The following CUX2 variants were observed in gnomAD, a reference collection of about 807,000 sequenced individuals.
CUX2 encodes homeobox protein cut-like 2.
In CUX2, 40 loss-of-function variants were observed where a neutral mutation model predicts 144.8. The observed-to-expected ratio is 0.28, with a 90% confidence interval of 0.21 to 0.36. The LOEUF (loss-of-function observed/expected upper bound fraction) is 0.36, where lower values mean the gene tolerates loss of function less well. Among genes scored for constraint, CUX2 ranks in the 10% least tolerant of loss-of-function variants. The pLI, the probability that CUX2 is intolerant of heterozygous loss-of-function variation, is 1.00. For synonymous variants in CUX2, 827 were observed against 875.6 expected (o/e 0.94, Z 0.98); for missense variants, 1,615 against 1,994.0 (o/e 0.81, Z 3.62).
At position 111,348,058 on chromosome 12, in the gene CUX2, C is replaced by T. The variant is rs775451963; in HGVS notation, c.4194C>T (p.Pro1398=). 1.2e-6 allele frequency: 2 copies of T among 1,614,046 alleles called. No homozygotes were observed. The highest frequency in any genetic ancestry group is 2.2e-5 in the East Asian group (1 of 44,878). Residue 1398 remains proline (P), a synonymous_variant, in exon 22 of 22, where the codon CCC becomes CCT. Coordinates refer to ENST00000261726, the MANE Select transcript of CUX2 (RefSeq NM_015267.4). The part of the protein sequence containing the change: ...RCSLEVSLNS[P]SAASSPGLMM... ...GCCTGGAGGTGTCACTGAACTCGCC[C>T]TCGGCCGCCTCCTCACCAGGCCTCA...
At chr12:111,336,992 C>T (rs1319182853) in intron 19 of CUX2, among the ~76,000 whole-genome samples, 2 of 151,364 alleles carry the variant, frequency 1.3e-5, no homozygotes, top group African/African-American at 4.9e-5. Flanking sequence ...CTGGGCAACA[C>T]GGCGAAACCC....
intron 4 of CUX2, among the ~76,000 whole-genome samples, chr12:111,276,808 C>T (rs7301370): frequency 0.088 from 13,336 of 152,056 alleles, 767 homozygotes; most frequent in East Asian, 0.27. Context: ...CCACCATGCC[C>T]GGCTAATTTT....
rs1202013445 is a variant in CUX2 at position 111,077,904 on chromosome 12, C to T, written c.63+43664C>T. Among the ~76,000 whole-genome samples, 1 of 152,138 alleles carries T rather than the reference C, an allele frequency of 6.6e-6. No individual in the cohort carries two copies. Among genetic ancestry groups the T allele is most frequent in the Non-Finnish European group, 1.5e-5 (1 of 68,012 alleles). On this transcript the variant is annotated intron_variant, in intron 1 of 21. Coordinates refer to ENST00000261726, the MANE Select transcript of CUX2 (RefSeq NM_015267.4). The surrounding 1 kb of genome is among the most constrained non-coding windows in gnomAD (Gnocchi z 4.1). ...CTTCTGTGGTTATTGATGGGAAAAG[C>T]ATTTATTTGTCAATGAAGAAATTTT...
At chr12:111,195,114 G>T (rs915656711) in intron 1 of CUX2, among the ~76,000 whole-genome samples, 10 of 152,162 alleles carry the variant, frequency 6.6e-5, no homozygotes, top group Admixed American at 3.9e-4. Flanking sequence ...TGCAGTCACT[G>T]GTCCACGTTC....
Position 111,312,045 on chromosome 12 carries a change from C to T in CUX2, c.1901-55C>T, listed in dbSNP as rs961496309. On this transcript the variant is annotated intron_variant, in intron 15 of 21. Transcript: ENST00000261726. The surrounding 1 kb of genome is among the most constrained non-coding windows in gnomAD (Gnocchi z 4.3). ...ACAGCCCCCCTACCCCACCAGGCTC[C>T]GGAGACTGAGCCCAACATGCAGATC... 13 of 1,511,520 alleles carry T rather than the reference C, an allele frequency of 8.6e-6. No individual in the cohort carries two copies. The highest frequency in any genetic ancestry group is 4.7e-5 in the South Asian group (4 of 85,494). 93.6% of individuals were successfully genotyped at this position (1,511,520 alleles called of 1,614,324 possible). A position where few individuals can be genotyped will look rare whatever the true frequency, so the allele number is the denominator to read the frequency against.
intron 1 of CUX2, among the ~76,000 whole-genome samples, chr12:111,090,593 G>A (rs1592883819): frequency 6.6e-6 from 1 of 152,036 alleles, no homozygotes; most frequent in Middle Eastern, 3.4e-3. Flanking sequence ...CTATTCTTTG[G>A]TCTCTGTAAA....
chr12:111,350,450 A>G lies in CUX2; in HGVS notation c.*2125A>G, dbSNP rs2136465038. On this transcript the variant is annotated 3_prime_UTR_variant, in exon 22 of 22. Transcript: ENST00000261726. ...TATAACGGTTAAAAAACACACACAC[A>G]CATACACAAACCGTTTCTATGAGAG... 1 of 152,522 alleles carries G rather than the reference A, an allele frequency of 6.6e-6. No individual in the cohort carries two copies. Among genetic ancestry groups the G allele is most frequent in the East Asian group, 1.9e-4 (1 of 5,190 alleles). The allele number at this position is 152,522 out of a possible 1,614,324, so 9.4% of individuals were successfully genotyped here.
intron 1 of CUX2, among the ~76,000 whole-genome samples, chr12:111,165,725 C>T (rs1406099308): frequency 6.6e-6 from 1 of 152,184 alleles, no homozygotes; most frequent in Non-Finnish European, 1.5e-5. Context: ...TAAGCATCGC[C>T]TCCCAGCTCC....
At chr12:111,185,823 G>A (rs1402994951) in intron 1 of CUX2, among the ~76,000 whole-genome samples, 2 of 152,132 alleles carry the variant, frequency 1.3e-5, no homozygotes, top group African/African-American at 4.8e-5. Context: ...GACAGTACCT[G>A]CCTGTGTCAG....
At position 111,077,464 on chromosome 12, in the gene CUX2, C is replaced by T. The variant is rs975831187; in HGVS notation, c.63+43224C>T. Among the ~76,000 whole-genome samples, 4 of 152,192 alleles carry T rather than the reference C, an allele frequency of 2.6e-5. No homozygotes were observed. The highest frequency in any genetic ancestry group is 4.8e-5 in the African/African-American group (2 of 41,446). On this transcript the variant is annotated intron_variant, in intron 1 of 21. Transcript: ENST00000261726. The surrounding 1 kb of genome is among the most constrained non-coding windows in gnomAD (Gnocchi z 4.1). ...CTAAATCCATCAGGCTCACCAGCCC[C>T]GGTCTTGGACCACTGAATAATTTAC...
intron 16 of CUX2, among the ~76,000 whole-genome samples, chr12:111,313,590 C>A (rs933236581): frequency 6.6e-6 from 1 of 151,020 alleles, no homozygotes; most frequent in African/African-American, 2.4e-5. Flanking sequence ...TACAGTGAGC[C>A]GAGATCACAC....
chr12:111,324,147 G>C (rs577510311), intron 18 of CUX2, among the ~76,000 whole-genome samples: 3 of 151,996 alleles, frequency 2.0e-5, no homozygotes, highest in Non-Finnish European at 4.4e-5. Flanking sequence ...TCAGGAGTTC[G>C]AGACCAGTCT....
intron 1 of CUX2, among the ~76,000 whole-genome samples, chr12:111,062,938 G>A (rs1436429285): frequency 2.6e-5 from 4 of 152,182 alleles, no homozygotes; most frequent in African/African-American, 9.7e-5. Context: ...TAGGCAGGAT[G>A]TGTCTGAGAA....
intron 21 of CUX2, among the ~76,000 whole-genome samples, chr12:111,346,365 G>T (rs1888805275): frequency 6.6e-6 from 1 of 150,500 alleles, no homozygotes; most frequent in South Asian, 2.1e-4. Context: ...AATCCCAGTT[G>T]CTCGGGAAGC....
At chr12:111,141,227 AACAC>A (rs111451932) in intron 1 of CUX2, among the ~76,000 whole-genome samples, 74 of 147,396 alleles carry the variant, frequency 5.0e-4, no homozygotes, top group Non-Finnish European at 7.4e-4. Context: ...GGCTTAGGTC[AACAC>A]ACACACACAC....
chr12:111,095,354 G>T (rs748642609), intron 1 of CUX2, among the ~76,000 whole-genome samples: 2 of 152,168 alleles, frequency 1.3e-5, no homozygotes, highest in Non-Finnish European at 2.9e-5. Context: ...AGCTATTCTG[G>T]AGGCTGAGGT....
intron 16 of CUX2, among the ~76,000 whole-genome samples, chr12:111,318,058 G>T (rs938283860): frequency 2.0e-5 from 3 of 151,418 alleles, no homozygotes; most frequent in South Asian, 2.1e-4. Context: ...ACTTGTTTTT[G>T]TTGTTGTTGT....
At chr12:111,137,468 G>A (rs1184385962) in intron 1 of CUX2, among the ~76,000 whole-genome samples, 2 of 151,934 alleles carry the variant, frequency 1.3e-5, no homozygotes, top group African/African-American at 2.4e-5. Flanking sequence ...CATTACTAGA[G>A]GTTATTTCTG....
chr12:111,080,963 G>A (rs1355474312), intron 1 of CUX2, among the ~76,000 whole-genome samples: 4 of 152,198 alleles, frequency 2.6e-5, no homozygotes, highest in Non-Finnish European at 4.4e-5. Flanking sequence ...CTATGATAGA[G>A]TTATTGTGAA....
Sources: allele counts gnomAD v4.1 joint callset (sites outside exome capture counted in the v4.1 genomes callset), GRCh38; gene constraint gnomAD v4.1.1; non-coding constraint Gnocchi (gnomAD v3.1); transcripts MANE v1.5; gene names NCBI Gene and HGNC (gene_info 2026-07-23, HGNC 2026-07-21).